CAPZA2: variants seen among roughly 807,000 people sequenced by gnomAD.
CAPZA2 encodes F-actin-capping protein subunit alpha-2.
A neutral mutation model predicts 44.0 loss-of-function variants in CAPZA2; 13 were observed. The ratio of observed to expected loss-of-function variants is 0.30; its 90% CI spans 0.19 to 0.47. The LOEUF is 0.47. Among genes scored for constraint, CAPZA2 ranks in the 20% least tolerant of loss-of-function variants. The pLI is 1.00. For synonymous variants in CAPZA2, 94 were observed against 108.2 expected, an observed-to-expected ratio of 0.87 and a Z score of 0.81; for missense variants, 244 against 338.6, an observed-to-expected ratio of 0.72 and a Z score of 2.19.
chr7:116,902,817 G>T (rs1797013980), intron 4 of CAPZA2, among the ~76,000 whole-genome samples: 1 of 152,108 alleles, frequency 6.6e-6, no homozygotes, highest in Non-Finnish European at 1.5e-5. Context: ...GCTCGCTGCA[G>T]CCTCAATCTC....
intron 1 of CAPZA2, chr7:116,874,008 G>A (rs936943231): frequency 6.5e-6 from 1 of 152,758 alleles, no homozygotes; most frequent in East Asian, 1.9e-4. Context: ...GTAGGTGTAA[G>A]ATTGTACATT....
At chr7:116,866,573 T>G (rs1202795719) in intron 1 of CAPZA2, among the ~76,000 whole-genome samples, 2 of 152,238 alleles carry the variant, frequency 1.3e-5, no homozygotes, top group African/African-American at 4.8e-5. Flanking sequence ...TTTGTGAATT[T>G]GAAATTGTAT....
rs982922326 is a variant in CAPZA2 at position 116,906,484 on chromosome 7, T to C, written c.506+142T>C. On this transcript the variant is annotated intron_variant, in intron 6 of 9. Coordinates refer to ENST00000361183, the MANE Select transcript of CAPZA2 (RefSeq NM_006136.3). Reference sequence around the variant, plus strand: ...GGTATAAAATTTTAGCCTTTTGATATAAGGAAGGTAAATTTGCTCAACAGC... The same window carrying C: ...GGTATAAAATTTTAGCCTTTTGATACAAGGAAGGTAAATTTGCTCAACAGC... 3.7e-6 allele frequency: 5 copies of C among 1,367,138 alleles called. No individual in the cohort carries two copies. The African/African-American group carries it at 5.9e-5, about 16-fold the overall frequency. The allele number at this position is 1,367,138 out of a possible 1,614,324, so 84.7% of individuals were successfully genotyped here. A position where few individuals can be genotyped will look rare whatever the true frequency, so the allele number is the denominator to read the frequency against.
At chr7:116,901,102 T>G (rs1168221926) in intron 4 of CAPZA2, among the ~76,000 whole-genome samples, 1 of 152,128 alleles carries the variant, frequency 6.6e-6, no homozygotes, top group Non-Finnish European at 1.5e-5. Flanking sequence ...AGTGTGGCGA[T>G]TCCTCAGAGA....
chr7:116,867,431 T>A (rs1168706162), intron 1 of CAPZA2, among the ~76,000 whole-genome samples: 1 of 152,214 alleles, frequency 6.6e-6, no homozygotes, highest in African/African-American at 2.4e-5. Context: ...CCATTGCCTT[T>A]ACAAGGAAGC....
intron 1 of CAPZA2, 149 bp downstream of exon 1, chr7:116,862,799 G>A: frequency 1.2e-6 from 1 of 860,904 alleles, no homozygotes; most frequent in South Asian, 1.8e-5. Context: ...ACTGCGCCCA[G>A]TGCCTGCCCC....
At chr7:116,890,328 T>TG (rs1796814492) in intron 2 of CAPZA2, among the ~76,000 whole-genome samples, 1 of 150,688 alleles carries the variant, frequency 6.6e-6, no homozygotes, top group South Asian at 2.1e-4. Context: ...GGAATAGAAG[T>TG]GGGGATATAG....
intron 1 of CAPZA2, among the ~76,000 whole-genome samples, chr7:116,865,617 C>G (rs1796473400): frequency 6.6e-6 from 1 of 152,054 alleles, no homozygotes; most frequent in African/African-American, 2.4e-5. Context: ...TCACTCTGTC[C>G]ACCCAGGCTG....
At chr7:116,896,451 A>G (rs1796929117) in intron 3 of CAPZA2, among the ~76,000 whole-genome samples, 1 of 152,164 alleles carries the variant, frequency 6.6e-6, no homozygotes, top group African/African-American at 2.4e-5. Context: ...ATATTAGACC[A>G]AGTGAAACGA....
chr7:116,914,121 G>C (rs887218465), intron 8 of CAPZA2, among the ~76,000 whole-genome samples: 5 of 149,200 alleles, frequency 3.4e-5, no homozygotes, highest in Non-Finnish European at 7.4e-5. Flanking sequence ...TCCGCCTCCT[G>C]GGTTCACGCC....
chr7:116,896,385 A>G (rs1022704872), intron 3 of CAPZA2, among the ~76,000 whole-genome samples: 2 of 152,200 alleles, frequency 1.3e-5, no homozygotes, highest in African/African-American at 4.8e-5. Flanking sequence ...CTTTGCTGTG[A>G]TGATGAGATA....
intron 1 of CAPZA2, among the ~76,000 whole-genome samples, chr7:116,869,273 T>C (rs1356257557): frequency 6.6e-6 from 1 of 152,210 alleles, no homozygotes; most frequent in African/African-American, 2.4e-5. Flanking sequence ...CCCATGGCTG[T>C]TTCAAAAAAG....
At chr7:116,889,652 G>T (rs554930590) in intron 2 of CAPZA2, among the ~76,000 whole-genome samples, 11 of 151,680 alleles carry the variant, frequency 7.3e-5, no homozygotes, top group Admixed American at 6.6e-4. Flanking sequence ...GTTGTATAAA[G>T]TTAAAATTAC....
intron 1 of CAPZA2, among the ~76,000 whole-genome samples, chr7:116,885,535 A>G (rs1037406614): frequency 3.3e-5 from 5 of 152,118 alleles, no homozygotes; most frequent in African/African-American, 1.2e-4. Context: ...TGAGTCCCCA[A>G]GATTGCTCCT....
chr7:116,871,836 C>A (rs960849613), intron 1 of CAPZA2, among the ~76,000 whole-genome samples: 1 of 152,352 alleles, frequency 6.6e-6, no homozygotes, highest in South Asian at 2.1e-4. Flanking sequence ...TATGTCTTCA[C>A]CATCTTTGTA....
chr7:116,880,314 C>G (rs544341513), intron 1 of CAPZA2, among the ~76,000 whole-genome samples: 27 of 152,236 alleles, frequency 1.8e-4, no homozygotes, highest in African/African-American at 5.8e-4. Flanking sequence ...TAATTAGAAT[C>G]CTCTATTTAA....
At chr7:116,902,614 A>C (rs1477338581) in intron 4 of CAPZA2, among the ~76,000 whole-genome samples, 4 of 152,226 alleles carry the variant, frequency 2.6e-5, no homozygotes, top group African/African-American at 9.6e-5. Context: ...ATATATTAAA[A>C]ATTATAATAC....
chr7:116,910,437 G>T (rs1350542008), intron 7 of CAPZA2, 126 bp downstream of exon 7: 13 of 607,360 alleles, frequency 2.1e-5, no homozygotes, highest in African/African-American at 2.0e-4. Flanking sequence ...TTGGGGTAAT[G>T]GGAAAAACAA....
rs1791606282 is a variant in CAPZA2, at chr7:116,912,254, A to G, written c.657+114A>G. The G allele has an allele frequency of 2.0e-5, 30 of 1,466,648 alleles. No homozygotes were observed. The South Asian group carries it at 3.8e-4, about 18-fold the overall frequency. The allele number at this position is 1,466,648 out of a possible 1,614,324, so 90.9% of individuals were successfully genotyped here. A position where few individuals can be genotyped will look rare whatever the true frequency, so the allele number is the denominator to read the frequency against. On this transcript the variant is annotated intron_variant, in intron 8 of 9. Coordinates refer to ENST00000361183, the MANE Select transcript of CAPZA2 (RefSeq NM_006136.3). ...GCTTCAGATTACCGTGTTTTCTGAT[A>G]GATTAAAGATAAGTAATTGCAAACC...
Sources: allele counts gnomAD v4.1 joint callset (sites outside exome capture counted in the v4.1 genomes callset), GRCh38; gene constraint gnomAD v4.1.1; transcripts MANE v1.5; gene names NCBI Gene and HGNC (gene_info 2026-07-23, HGNC 2026-07-21).